The following PAK5 variants were observed in gnomAD, a reference collection of about 807,000 sequenced individuals.
PAK5 encodes the protein serine/threonine-protein kinase PAK 5.
Under a neutral mutation model 65.9 loss-of-function variants are expected in PAK5, and 16 were observed. That is an observed-to-expected ratio of 0.24 (90% CI 0.16 to 0.37). The LOEUF is 0.37. Among genes scored for constraint, PAK5 ranks in the 10% least tolerant of loss-of-function variants. PAK5 has a pLI of 1.00. For synonymous variants in PAK5, 371 were observed against 354.9 expected (o/e 1.05, Z -0.51); for missense variants, 785 against 903.9 (o/e 0.87, Z 1.69).
intron 4 of PAK5, among the ~76,000 whole-genome samples, chr20:9,578,355 A>C (rs540642079): frequency 1.3e-5 from 2 of 152,212 alleles, no homozygotes; most frequent in Non-Finnish European, 2.9e-5. Flanking sequence ...AAAAGAGAGA[A>C]GACTGAAACT....
chr20:9,595,272 T>C (rs989340252), intron 3 of PAK5, among the ~76,000 whole-genome samples: 6 of 152,192 alleles, frequency 3.9e-5, no homozygotes, highest in Non-Finnish European at 7.4e-5. Context: ...AGGGCACCTC[T>C]GGACATTATG....
intron 1 of PAK5, among the ~76,000 whole-genome samples, chr20:9,808,061 A>G (rs1464957121): frequency 6.6e-6 from 1 of 152,168 alleles, no homozygotes; most frequent in African/African-American, 2.4e-5. Context: ...AAGACAGAAA[A>G]TAGACAAGTT....
chr20:9,791,900 T>G (rs1402524290), intron 1 of PAK5, among the ~76,000 whole-genome samples: 4 of 152,100 alleles, frequency 2.6e-5, no homozygotes, highest in African/African-American at 9.7e-5. Context: ...CCCAAGTCTT[T>G]GCAAGACTTT....
In PAK5 at chr20:9,583,647, C is replaced by T. The variant is rs978364922; in HGVS notation, c.205-2717G>A. On this transcript the variant is annotated intron_variant, in intron 3 of 9. Transcript: ENST00000353224. ...TTTTGTTGTTTTTTGAAACTACGTACATTAATTAACTCTTTGTGCTGCAAA... is the reference window on the plus strand; with the variant it reads ...TTTTGTTGTTTTTTGAAACTACGTATATTAATTAACTCTTTGTGCTGCAAA... Among the ~76,000 whole-genome samples, 6 of 152,234 alleles carry T rather than the reference C, an allele frequency of 3.9e-5. No homozygotes were observed. In the East Asian group the frequency reaches 1.2e-3, roughly 29 times the overall value.
intron 3 of PAK5, among the ~76,000 whole-genome samples, chr20:9,639,131 CTATACTT>C (rs2047018561): frequency 6.6e-6 from 1 of 152,152 alleles, no homozygotes; most frequent in Non-Finnish European, 1.5e-5. Flanking sequence ...GATATATTCT[CTATACTT>C]TATCATATGT....
At chr20:9,830,391 C>T (rs1310571598) in intron 1 of PAK5, among the ~76,000 whole-genome samples, 1 of 152,208 alleles carries the variant, frequency 6.6e-6, no homozygotes, top group East Asian at 1.9e-4. Flanking sequence ...AGAATATGCA[C>T]TGATCTAAGT....
At chr20:9,580,994 A>C (rs1027911628) in intron 3 of PAK5, 64 bp from the exon 4 acceptor site, 1 of 1,199,352 alleles carries the variant, frequency 8.3e-7, no homozygotes, top group Non-Finnish European at 1.2e-6. Flanking sequence ...TGATGGTGGC[A>C]TCCCACCCCC....
At chr20:9,640,470 A>G (rs1043135852) in intron 3 of PAK5, among the ~76,000 whole-genome samples, 1 of 152,044 alleles carries the variant, frequency 6.6e-6, no homozygotes, top group Non-Finnish European at 1.5e-5. Context: ...ATTGTTGGAC[A>G]TTTGGGTTGG....
At position 9,660,134 on chromosome 20, in the gene PAK5, T is replaced by C. The variant is rs565777508; in HGVS notation, c.-11-15795A>G. ...AGATTCTCACTTACAGCCTGCCACC[T>C]GAGGCTCTCAAACCCCAGAAGAACC... is the stretch of plus-strand genomic sequence containing the variant. On this transcript the variant is annotated intron_variant, in intron 2 of 9. Coordinates refer to ENST00000353224, the MANE Select transcript of PAK5 (RefSeq NM_177990.4). Among the ~76,000 whole-genome samples the C allele has an allele frequency of 2.2e-4, 33 of 152,158 alleles. 2 individuals are homozygous for C. In the South Asian group the frequency reaches 6.6e-3, roughly 31 times the overall value.
At chr20:9,613,515 A>G (rs1177420098) in intron 3 of PAK5, among the ~76,000 whole-genome samples, 1 of 152,206 alleles carries the variant, frequency 6.6e-6, no homozygotes, top group Admixed American at 6.5e-5. Context: ...TATCTCCAGG[A>G]GCTTAACCAG....
chr20:9,577,912 C>A (rs1029517909), intron 4 of PAK5, among the ~76,000 whole-genome samples: 4 of 152,044 alleles, frequency 2.6e-5, no homozygotes, highest in Admixed American at 6.6e-5. Context: ...GCTGGCAGAG[C>A]CAGATTTCAG....
At chr20:9,699,550 CTTG>C (rs752025762) in intron 2 of PAK5, among the ~76,000 whole-genome samples, 6 of 45,488 alleles carry the variant, frequency 1.3e-4, no homozygotes, top group South Asian at 2.9e-3. Context: ...TATTTTGCTT[CTTG>C]TTTTTTTTTT....
intron 4 of PAK5, among the ~76,000 whole-genome samples, chr20:9,566,810 G>C (rs2045690550): frequency 6.6e-6 from 1 of 152,160 alleles, no homozygotes; most frequent in African/African-American, 2.4e-5. Flanking sequence ...AGGTACAGGG[G>C]AAAATACGTC....
At chr20:9,690,031 C>T (rs950637253) in intron 2 of PAK5, among the ~76,000 whole-genome samples, 6 of 152,308 alleles carry the variant, frequency 3.9e-5, no homozygotes, top group Admixed American at 3.3e-4. Context: ...ATACACCTCT[C>T]CATCCTCACA....
At chr20:9,703,865 C>A (rs2047971756) in intron 2 of PAK5, among the ~76,000 whole-genome samples, 1 of 152,088 alleles carries the variant, frequency 6.6e-6, no homozygotes. Context: ...GAGTCTACAC[C>A]CTAGTTATCA....
chr20:9,655,716 T>C (rs949367424), intron 2 of PAK5, among the ~76,000 whole-genome samples: 7 of 152,190 alleles, frequency 4.6e-5, no homozygotes, highest in Non-Finnish European at 8.8e-5. Flanking sequence ...GGAAGGCATA[T>C]GTATTAGTTT....
At chr20:9,608,967 G>A (rs1600135499) in intron 3 of PAK5, among the ~76,000 whole-genome samples, 4 of 152,310 alleles carry the variant, frequency 2.6e-5, no homozygotes, top group South Asian at 2.1e-4. Context: ...GAAGAATAAA[G>A]CAACGTATCT....
intron 2 of PAK5, among the ~76,000 whole-genome samples, chr20:9,711,085 C>T (rs1210996718): frequency 2.0e-5 from 3 of 152,290 alleles, no homozygotes; most frequent in African/African-American, 4.8e-5. Context: ...TATTTACTTA[C>T]ACTTTCCACT....
intron 6 of PAK5, 123 bp from the exon 7 acceptor site, chr20:9,557,857 AC>A (rs1888768032): frequency 1.6e-6 from 1 of 624,370 alleles, no homozygotes; most frequent in African/African-American, 1.9e-5. Context: ...TATCTGAAAA[AC>A]CTGCAGACAA....
Sources: gnomAD v4.1 joint callset for allele counts (sites outside exome capture counted in the v4.1 genomes callset) on GRCh38, gnomAD v4.1.1 for gene constraint, MANE v1.5 for transcripts, NCBI Gene and HGNC (gene_info 2026-07-23, HGNC 2026-07-21) for gene names.